The following SMAD5 variants were observed in gnomAD, a reference collection of about 807,000 sequenced individuals.
SMAD5 encodes SMAD family member 5, also known as MAD, mothers against decapentaplegic homolog 5.
Under a neutral mutation model 43.1 loss-of-function variants are expected in SMAD5, and 9 were observed. That is an observed-to-expected ratio of 0.21 (90% CI 0.13 to 0.36). SMAD5 has a LOEUF of 0.36. Among genes scored for constraint, SMAD5 ranks in the 10% least tolerant of loss-of-function variants. The pLI is 1.00. For missense variants in SMAD5, 348 were observed against 574.0 expected, an observed-to-expected ratio of 0.61 and a Z score of 4.02; for synonymous variants, 190 against 192.4, an observed-to-expected ratio of 0.99 and a Z score of 0.10.
In SMAD5 at chr5:136,144,050, G is replaced by A. The variant is rs1036798267; in HGVS notation, c.-244-3782G>A. On this transcript the variant is annotated intron_variant, in intron 1 of 7. Coordinates refer to ENST00000545279, the MANE Select transcript of SMAD5 (RefSeq NM_005903.7). ...AAGGCCAAGATAATAGCAGATAATG[G>A]GTTCATTATCTGAGTCTGAAAGTGT... Among the ~76,000 whole-genome samples the A allele has an allele frequency of 1.2e-4, 18 of 151,936 alleles. 2 individuals carry two copies. Among genetic ancestry groups the A allele is most frequent in the Admixed American group, 1.1e-3 (16 of 15,236 alleles).
chr5:136,153,321 C>G (rs1238660715), intron 2 of SMAD5, among the ~76,000 whole-genome samples: 1 of 151,972 alleles, frequency 6.6e-6, no homozygotes, highest in East Asian at 1.9e-4. Flanking sequence ...CAAAGGGAGT[C>G]CAGAAGCTAT....
At chr5:136,175,788 C>T (rs1237857490) in intron 7 of SMAD5, among the ~76,000 whole-genome samples, 1 of 152,152 alleles carries the variant, frequency 6.6e-6, no homozygotes, top group African/African-American at 2.4e-5. Context: ...ACTGGTTACC[C>T]TGAAGGTATT....
At position 136,154,151 on chromosome 5, in the gene SMAD5, G is replaced by A. The variant is rs1258641746; in HGVS notation, c.391G>A (p.Val131Met). Reference protein sequence around the residue: ...VCINPYHYKRVESPVLPPVLV... With the variant: ...VCINPYHYKRMESPVLPPVLV... ...TATCAACCCATACCACTATAAGAGA[G>A]TGGAGAGTCCAGGTAGGTCTTATTC... The change falls in exon 3 of 8, where the codon GTG (valine) becomes ATG (methionine). Residue 131 changes from valine (V) to methionine (M), a missense_variant. By Grantham distance (21) the Val-to-Met change is conservative (BLOSUM62 1). This residue lies in a region of SMAD5 where 185 missense variants were observed against 207.0 expected (regional missense o/e 0.89). Coordinates refer to ENST00000545279, the MANE Select transcript of SMAD5 (RefSeq NM_005903.7). The A allele has an allele frequency of 1.3e-6, 2 of 1,556,488 alleles. No homozygotes were observed. Among genetic ancestry groups the A allele is most frequent in the South Asian group, 2.5e-5 (2 of 81,014 alleles).
intron 3 of SMAD5, among the ~76,000 whole-genome samples, chr5:136,157,364 C>G (rs1440600647): frequency 2.0e-5 from 3 of 152,096 alleles, no homozygotes; most frequent in Non-Finnish European, 4.4e-5. Flanking sequence ...GCACCAGGGT[C>G]TAGTTTCATG....
intron 1 of SMAD5, among the ~76,000 whole-genome samples, chr5:136,139,342 C>T (rs1309067450): frequency 6.6e-6 from 1 of 152,036 alleles, no homozygotes; most frequent in African/African-American, 2.4e-5. Context: ...TGAAGCTTAG[C>T]AACATTTTAT....
At chr5:136,158,645 A>G (rs1417542248) in intron 3 of SMAD5, among the ~76,000 whole-genome samples, 1 of 152,166 alleles carries the variant, frequency 6.6e-6, no homozygotes, top group Non-Finnish European at 1.5e-5. Context: ...CACGCCTGTA[A>G]TCCCAGCACT....
chr5:136,160,984 C>T lies in SMAD5; in HGVS notation c.532C>T (p.His178Tyr), dbSNP rs760899124. The change falls in exon 4 of 8, where the codon CAC (histidine) becomes TAC (tyrosine). Residue 178 changes from histidine to tyrosine, a missense_variant. This residue lies in a region of SMAD5 where 185 missense variants were observed against 207.0 expected (regional missense o/e 0.89). Coordinates refer to ENST00000545279, the MANE Select transcript of SMAD5 (RefSeq NM_005903.7). ...AAATGCCACGTTTCCAGATTCTTTC[C>T]ACCAGCCCAACAACACTCCTTTTCC... ...PQNATFPDSF[H>Y]QPNNTPFPLS... is the part of the protein sequence containing the mutation. 8 of 1,613,932 alleles carry T rather than the reference C, an allele frequency of 5.0e-6. 1 individual carries two copies. The South Asian group carries it at 5.5e-5, about 11-fold the overall frequency.
chr5:136,145,116 A>ATT (rs11413480), intron 1 of SMAD5, among the ~76,000 whole-genome samples: 24 of 150,092 alleles, frequency 1.6e-4, no homozygotes, highest in African/African-American at 3.4e-4. Context: ...CTAAGATGTA[A>ATT]TTTTTTTTTT....
At chr5:136,165,181 C>T (rs1312949227) in intron 5 of SMAD5, among the ~76,000 whole-genome samples, 5 of 152,014 alleles carry the variant, frequency 3.3e-5, no homozygotes, top group Non-Finnish European at 7.4e-5. Context: ...GAGTCTTGCT[C>T]TGTCATGTCC....
chr5:136,150,964 C>T (rs1753436094), intron 2 of SMAD5, among the ~76,000 whole-genome samples: 1 of 151,958 alleles, frequency 6.6e-6, no homozygotes, highest in Non-Finnish European at 1.5e-5. Context: ...TGGCTCAAGC[C>T]TATAATGCCA....
intron 3 of SMAD5, among the ~76,000 whole-genome samples, chr5:136,155,827 C>G (rs1308649933): frequency 6.6e-6 from 1 of 152,190 alleles, no homozygotes; most frequent in East Asian, 1.9e-4. Flanking sequence ...TTACTCTATC[C>G]TTAGTGCTTA....
intron 1 of SMAD5, among the ~76,000 whole-genome samples, chr5:136,139,126 C>CTGTG (rs33970909): frequency 0.069 from 9,656 of 139,884 alleles, 380 homozygotes; most frequent in African/African-American, 0.11. Flanking sequence ...TAGCTGTGAG[C>CTGTG]TCTGTGTGTG....
intron 3 of SMAD5, among the ~76,000 whole-genome samples, chr5:136,158,672 G>A (rs1753723152): frequency 6.6e-6 from 1 of 152,132 alleles, no homozygotes; most frequent in Non-Finnish European, 1.5e-5. Flanking sequence ...GGCCGAGGTG[G>A]GCAGATCACG....
At chr5:136,165,231 C>G (rs1426062295) in intron 5 of SMAD5, among the ~76,000 whole-genome samples, 1 of 152,070 alleles carries the variant, frequency 6.6e-6, no homozygotes, top group African/African-American at 2.4e-5. Context: ...TCACTGGAGC[C>G]TCAGACTCCT....
chr5:136,146,841 T>G (rs1160757316), intron 1 of SMAD5, among the ~76,000 whole-genome samples: 2 of 151,746 alleles, frequency 1.3e-5, no homozygotes, highest in Admixed American at 1.3e-4. Flanking sequence ...ATTAAGAGAA[T>G]AGATGAGTAA....
At position 136,178,580 on chromosome 5, in the gene SMAD5, T is replaced by C. The variant is rs953636326; in HGVS notation, c.*1100T>C. On this transcript the variant is annotated 3_prime_UTR_variant, in exon 8 of 8. Coordinates refer to ENST00000545279, the MANE Select transcript of SMAD5 (RefSeq NM_005903.7). Reference sequence around the variant, plus strand: ...ATTCCCTACAGTTTTATGGGTGTTATCAGTGCTGGAGAATCATGTAGTTAA... The same window carrying C: ...ATTCCCTACAGTTTTATGGGTGTTACCAGTGCTGGAGAATCATGTAGTTAA... The C allele has an allele frequency of 6.6e-6, 1 of 152,228 alleles. No individual in the cohort carries two copies. Among genetic ancestry groups the C allele is most frequent in the Admixed American group, 6.5e-5 (1 of 15,278 alleles). The allele number at this position is 152,228 out of a possible 1,614,324, so 9.4% of individuals were successfully genotyped here. A position where few individuals can be genotyped will look rare whatever the true frequency, so the allele number is the denominator to read the frequency against.
At position 136,153,810 on chromosome 5, in the gene SMAD5, G is replaced by C; in HGVS notation, c.50G>C (p.Arg17Pro). The C allele has an allele frequency of 6.2e-7, 1 of 1,613,488 alleles. No homozygotes were observed. Among genetic ancestry groups the C allele is most frequent in the East Asian group, 2.2e-5 (1 of 44,866 alleles). ...LFSFTSPAVK[R>P]LLGWKQGDEE... ...TCTTTTACTAGTCCAGCAGTAAAGC[G>C]ATTGTTGGGCTGGAAACAAGGTGAT... The change falls in exon 3 of 8, where the codon CGA (arginine) becomes CCA (proline). Residue 17 changes from arginine to proline, a missense_variant. Physicochemically the swap from Arg to Pro is moderately radical, Grantham distance 103. This residue lies in a region of SMAD5 where 39 missense variants were observed against 78.5 expected (regional missense o/e 0.50). Transcript: ENST00000545279.
chr5:136,171,187 G>T (rs763183136), intron 5 of SMAD5, among the ~76,000 whole-genome samples: 1 of 152,086 alleles, frequency 6.6e-6, no homozygotes, highest in Non-Finnish European at 1.5e-5. Flanking sequence ...TAGATGTTCC[G>T]TATCAAGCTG....
chr5:136,154,163 G>A lies in SMAD5; in HGVS notation c.403G>A (p.Val135Ile). The A allele has an allele frequency of 6.6e-7, 1 of 1,518,368 alleles. No individual in the cohort carries two copies. Among genetic ancestry groups the A allele is most frequent in the Non-Finnish European group, 8.8e-7 (1 of 1,138,780 alleles). 94.1% of individuals were successfully genotyped at this position (1,518,368 alleles called of 1,614,324 possible). Residue 135 changes from valine to isoleucine, a missense_variant and splice_region_variant, in exon 3 of 8, where the codon GTC becomes ATC. By Grantham distance (29) the Val-to-Ile change is conservative (BLOSUM62 3). Transcript: ENST00000545279. ...CCACTATAAGAGAGTGGAGAGTCCAGGTAGGTCTTATTCCTGAGAAGAATT... is the reference window on the plus strand; with the variant it reads ...CCACTATAAGAGAGTGGAGAGTCCAAGTAGGTCTTATTCCTGAGAAGAATT... Reference protein sequence around the residue: ...PYHYKRVESPVLPPVLVPRHN... With the variant: ...PYHYKRVESPILPPVLVPRHN...
Sources: allele counts gnomAD v4.1 joint callset (sites outside exome capture counted in the v4.1 genomes callset), GRCh38; gene constraint gnomAD v4.1.1; regional missense constraint gnomAD v4.1.1; transcripts MANE v1.5; gene names NCBI Gene and HGNC (gene_info 2026-07-23, HGNC 2026-07-21).